Variants in FHIT observed in about 807,000 individuals in gnomAD.
The protein encoded by FHIT is fragile histidine triad diadenosine triphosphatase.
FHIT carries 19 observed loss-of-function variants against 17.9 expected under a neutral mutation model. The observed-to-expected ratio is 1.06, with a 90% CI of 0.74 to 1.56. The LOEUF (loss-of-function observed/expected upper bound fraction) is 1.56, where lower values mean the gene tolerates loss of function less well. FHIT is among the 40% of genes most tolerant of loss of function. FHIT has a pLI of 0.00. For missense variants in FHIT, 248 were observed against 189.2 expected (o/e 1.31, Z -1.82); for synonymous variants, 81 against 69.7 (o/e 1.16, Z -0.81).
At position 60,649,135 on chromosome 3, in the gene FHIT, C is replaced by T. The variant is rs886400275; in HGVS notation, c.-17-112156G>A. Among the ~76,000 whole-genome samples the T allele has an allele frequency of 1.8e-4, 27 of 152,158 alleles. 1 individual carries two copies. The highest frequency in any genetic ancestry group is 4.6e-4 in the African/African-American group (19 of 41,438). On this transcript the variant is annotated intron_variant, in intron 4 of 9. Coordinates refer to ENST00000492590, the MANE Select transcript of FHIT (RefSeq NM_002012.4). ...CATTGCGGCCGGGCGCGGTGGCTCA[C>T]GCCTGTAATCCCAGCACTTTGGGAG...
At chr3:59,805,231 TG>T (rs965867166) in intron 8 of FHIT, among the ~76,000 whole-genome samples, 3 of 152,214 alleles carry the variant, frequency 2.0e-5, no homozygotes, top group African/African-American at 7.2e-5. Flanking sequence ...GACCAGGTGT[TG>T]GGATTGTTCT....
At chr3:60,927,308 T>C (rs1330861688) in intron 3 of FHIT, among the ~76,000 whole-genome samples, 3 of 152,246 alleles carry the variant, frequency 2.0e-5, no homozygotes, top group Non-Finnish European at 2.9e-5. Flanking sequence ...GTGCTCAATG[T>C]TGCCCAGGCT....
At chr3:60,750,406 G>A (rs1302392247) in intron 4 of FHIT, among the ~76,000 whole-genome samples, 1 of 152,130 alleles carries the variant, frequency 6.6e-6, no homozygotes, top group Non-Finnish European at 1.5e-5. Context: ...ATCTTGAATT[G>A]TAACTCCCAC....
intron 5 of FHIT, among the ~76,000 whole-genome samples, chr3:60,192,563 G>C (rs1392150567): frequency 6.6e-6 from 1 of 152,196 alleles, no homozygotes. Flanking sequence ...CACAGAGATT[G>C]AGTTGAGCCA....
intron 8 of FHIT, among the ~76,000 whole-genome samples, chr3:59,913,355 G>A (rs977785853): frequency 6.6e-6 from 1 of 152,132 alleles, no homozygotes. Flanking sequence ...ATTTTCCTTA[G>A]GCTAAAGCAA....
chr3:59,773,402 C>T (rs947946131), intron 8 of FHIT, among the ~76,000 whole-genome samples: 5 of 152,162 alleles, frequency 3.3e-5, no homozygotes, highest in Non-Finnish European at 5.9e-5. Context: ...CAAAAAGCTG[C>T]GTATCTTCTC....
At chr3:60,420,632 C>G (rs1304930109) in intron 5 of FHIT, among the ~76,000 whole-genome samples, 1 of 152,112 alleles carries the variant, frequency 6.6e-6, no homozygotes, top group East Asian at 1.9e-4. Context: ...CTGAGATTAA[C>G]TTTTCCTTTT....
At chr3:60,136,636 AT>A (rs1441009916) in intron 5 of FHIT, among the ~76,000 whole-genome samples, 1 of 144,738 alleles carries the variant, frequency 6.9e-6, no homozygotes, top group Non-Finnish European at 1.5e-5. Flanking sequence ...GAGTTCAGGA[AT>A]GATGCTTCCT....
intron 5 of FHIT, among the ~76,000 whole-genome samples, chr3:60,236,547 A>G (rs1704805550): frequency 6.6e-6 from 1 of 152,144 alleles, no homozygotes; most frequent in African/African-American, 2.4e-5. Flanking sequence ...GTGCTGTGGC[A>G]CAATGGGTTT....
At chr3:60,471,377 AG>A (rs1559941738) in intron 5 of FHIT, among the ~76,000 whole-genome samples, 1 of 152,208 alleles carries the variant, frequency 6.6e-6, no homozygotes, top group African/African-American at 2.4e-5. Context: ...GCCGGAACTC[AG>A]GTTCTGACCA....
intron 5 of FHIT, among the ~76,000 whole-genome samples, chr3:60,243,131 T>C (rs1383388759): frequency 6.6e-6 from 1 of 152,024 alleles, no homozygotes; most frequent in East Asian, 1.9e-4. Flanking sequence ...AATGGATTGT[T>C]CGCCTTTGGG....
chr3:59,976,897 C>T (rs751017227), intron 7 of FHIT, among the ~76,000 whole-genome samples: 28 of 152,086 alleles, frequency 1.8e-4, no homozygotes, highest in Non-Finnish European at 3.8e-4. Context: ...TGCAAGATAT[C>T]TCCAAGGTTA....
In FHIT at chr3:60,090,894, GA is replaced by G. The variant is rs543699036; in HGVS notation, c.104-76743del. Reference sequence around the variant, plus strand: ...GGGGTAAGGTCCGCAAGGTGGAAGTGAAGGAAGTCAAGGAGCAAAGCAAGTT... The same window carrying G: ...GGGGTAAGGTCCGCAAGGTGGAAGTGAGGAAGTCAAGGAGCAAAGCAAGTT... On this transcript the variant is annotated intron_variant, in intron 5 of 9. Coordinates refer to ENST00000492590, the MANE Select transcript of FHIT (RefSeq NM_002012.4). Among the ~76,000 whole-genome samples, 6 of 152,322 alleles carry G rather than the reference GA, an allele frequency of 3.9e-5. No homozygotes were observed. In the East Asian group the frequency reaches 1.2e-3, roughly 29 times the overall value.
chr3:60,285,281 T>C (rs924597987), intron 5 of FHIT, among the ~76,000 whole-genome samples: 1 of 152,122 alleles, frequency 6.6e-6, no homozygotes, highest in African/African-American at 2.4e-5. Context: ...AATAAACATT[T>C]GCCAATGTTT....
chr3:60,005,992 T>C (rs918772931), intron 7 of FHIT, among the ~76,000 whole-genome samples: 2 of 152,148 alleles, frequency 1.3e-5, no homozygotes, highest in Admixed American at 6.5e-5. Context: ...TCAGAATCAC[T>C]TGTGGTGTCT....
chr3:59,948,331 C>A (rs1413700085), intron 7 of FHIT, among the ~76,000 whole-genome samples: 1 of 139,906 alleles, frequency 7.1e-6, no homozygotes, highest in Non-Finnish European at 1.5e-5. Flanking sequence ...AGTGAAACCC[C>A]GTCTCCACTA....
chr3:60,697,890 C>T (rs1226255893), intron 4 of FHIT, among the ~76,000 whole-genome samples: 2 of 152,192 alleles, frequency 1.3e-5, no homozygotes, highest in South Asian at 2.1e-4. Context: ...AATTAATTTG[C>T]TTCTTTTTTG....
chr3:60,956,755 A>G (rs564620505), intron 3 of FHIT, among the ~76,000 whole-genome samples: 34 of 152,358 alleles, frequency 2.2e-4, no homozygotes, highest in African/African-American at 7.7e-4. Flanking sequence ...GTCTTACAAC[A>G]AAGAGAACTC....
intron 8 of FHIT, among the ~76,000 whole-genome samples, chr3:59,818,112 GA>G (rs71287195): frequency 3.3e-5 from 5 of 150,002 alleles, no homozygotes; most frequent in African/African-American, 1.2e-4. Flanking sequence ...ATTCTAAAAA[GA>G]AAAAAAAAGG....
Sources: gnomAD v4.1 joint callset for allele counts (sites outside exome capture counted in the v4.1 genomes callset) on GRCh38, gnomAD v4.1.1 for gene constraint, MANE v1.5 for transcripts, NCBI Gene and HGNC (gene_info 2026-07-23, HGNC 2026-07-21) for gene names.